The following SRBD1 variants were observed in gnomAD, a reference collection of about 807,000 sequenced individuals.
SRBD1 encodes S1 RNA-binding domain-containing protein 1.
In SRBD1, 88 loss-of-function variants were observed where a neutral mutation model predicts 115.3. That is an observed-to-expected ratio of 0.76 (90% CI 0.64 to 0.91). The LOEUF is 0.91. Ranked by LOEUF, SRBD1 falls within the 40% of genes least tolerant of loss-of-function variation. The probability of loss-of-function intolerance (pLI) is 0.00; values close to 1 mark genes in which losing one functional copy is unlikely to be tolerated. For missense variants in SRBD1, 1,385 were observed against 1,177.4 expected, an observed-to-expected ratio of 1.18 and a Z score of -2.58; for synonymous variants, 509 against 407.7, an observed-to-expected ratio of 1.25 and a Z score of -2.99.
chr2:45,531,667 A>C (rs1259562532), intron 14 of SRBD1, among the ~76,000 whole-genome samples: 1 of 147,704 alleles, frequency 6.8e-6, no homozygotes, highest in Admixed American at 6.7e-5. Flanking sequence ...CAAAGAAGTA[A>C]CCAGGGTTTC....
At chr2:45,488,413 A>C in intron 14 of SRBD1, 82 bp from the exon 15 acceptor site, 1 of 1,177,434 alleles carries the variant, frequency 8.5e-7, no homozygotes. Context: ...ACCAGGCATT[A>C]CCAGAAAAAA....
At chr2:45,397,795 C>G (rs973527352) in intron 19 of SRBD1, among the ~76,000 whole-genome samples, 2 of 152,080 alleles carry the variant, frequency 1.3e-5, no homozygotes, top group Non-Finnish European at 2.9e-5. Context: ...GGTGAGGTCT[C>G]AATATGTTGC....
At chr2:45,398,983 ACTGT>A (rs1051824480) in intron 19 of SRBD1, among the ~76,000 whole-genome samples, 1 of 152,186 alleles carries the variant, frequency 6.6e-6, no homozygotes, top group African/African-American at 2.4e-5. Flanking sequence ...TGTTGTAGGA[ACTGT>A]CTTAGAAATA....
intron 9 of SRBD1, among the ~76,000 whole-genome samples, chr2:45,566,811 AGTCT>A (rs1361937261): frequency 6.6e-6 from 1 of 152,126 alleles, no homozygotes; most frequent in African/African-American, 2.4e-5. Context: ...AATATCTGCT[AGTCT>A]GTAACTATAT....
At chr2:45,599,891 G>A in intron 3 of SRBD1, 56 bp from the exon 4 acceptor site, 1 of 1,512,244 alleles carries the variant, frequency 6.6e-7, no homozygotes, top group Non-Finnish European at 8.8e-7. Flanking sequence ...CAATTTCCTG[G>A]GACTATTACT....
chr2:45,576,309 C>T (rs971610838), intron 7 of SRBD1, among the ~76,000 whole-genome samples: 5 of 151,946 alleles, frequency 3.3e-5, no homozygotes, highest in African/African-American at 9.7e-5. Flanking sequence ...ATATAACACA[C>T]AAAATGTGTG....
chr2:45,573,410 G>T, intron 8 of SRBD1, 68 bp from the exon 9 acceptor site: 2 of 1,507,290 alleles, frequency 1.3e-6, no homozygotes. Context: ...AGAATATATA[G>T]AAATAAGGAT....
At chr2:45,515,067 T>C (rs1387626787) in intron 14 of SRBD1, among the ~76,000 whole-genome samples, 1 of 152,120 alleles carries the variant, frequency 6.6e-6, no homozygotes, top group African/African-American at 2.4e-5. Flanking sequence ...ACTTGGAAAT[T>C]AATACTGTTT....
chr2:45,581,937 G>C (rs2104185144), intron 5 of SRBD1, 127 bp from the exon 6 acceptor site: 1 of 705,544 alleles, frequency 1.4e-6, no homozygotes, highest in East Asian at 2.6e-5. Flanking sequence ...AACTGTTTGA[G>C]AATAAGTTAA....
At chr2:45,404,630 A>G (rs1420395072) in intron 19 of SRBD1, among the ~76,000 whole-genome samples, 1 of 152,182 alleles carries the variant, frequency 6.6e-6, no homozygotes, top group Admixed American at 6.5e-5. Flanking sequence ...TCTGGATCTC[A>G]GTCATCATCT....
In SRBD1 at chr2:45,568,934, A is replaced by G. The variant is rs540421075; in HGVS notation, c.1305+4273T>C. Among the ~76,000 whole-genome samples the G allele has an allele frequency of 2.6e-5, 4 of 152,380 alleles. No homozygotes were observed. In the South Asian group the frequency reaches 8.3e-4, roughly 32 times the overall value. ...CACTGTACTTTCTTTCAAAATATTGAAAGTATGTACTTCACCTGATGTGGT... is the reference window on the plus strand; with the variant it reads ...CACTGTACTTTCTTTCAAAATATTGGAAGTATGTACTTCACCTGATGTGGT... On this transcript the variant is annotated intron_variant, in intron 9 of 20. Transcript: ENST00000263736.
intron 16 of SRBD1, among the ~76,000 whole-genome samples, chr2:45,467,628 G>C (rs59784391): frequency 6.6e-6 from 1 of 152,222 alleles, no homozygotes; most frequent in African/African-American, 2.4e-5. Flanking sequence ...TATGAGATAA[G>C]ATATTTTTTA....
chr2:45,579,735 G>A, intron 7 of SRBD1, 140 bp downstream of exon 7: 1 of 1,036,686 alleles, frequency 9.6e-7, no homozygotes, highest in Non-Finnish European at 1.3e-6. Context: ...GGTATGTCAG[G>A]ATTTATTTCA....
At chr2:45,468,472 T>C (rs1174914576) in intron 16 of SRBD1, among the ~76,000 whole-genome samples, 1 of 151,842 alleles carries the variant, frequency 6.6e-6, no homozygotes, top group African/African-American at 2.4e-5. Flanking sequence ...AATGCAGCCT[T>C]TATCTTCCGG....
At position 45,418,489 on chromosome 2, in the gene SRBD1, C is replaced by T; in HGVS notation, c.2209G>A (p.Glu737Lys). 1 of 1,613,606 alleles carries T rather than the reference C, an allele frequency of 6.2e-7. No homozygotes were observed. Among genetic ancestry groups the T allele is most frequent in the Non-Finnish European group, 8.5e-7 (1 of 1,179,908 alleles). ...CGGTTGATAAAGGGTCCATTTTTCT[C>T]TCGCCATTCAATAATATTTTTGGCC... ...NRAKNIIEWR[E>K]KNGPFINREQ... Residue 737 changes from glutamate to lysine, a missense_variant, in exon 18 of 21, where the codon GAG becomes AAG. By Grantham distance (56) the Glu-to-Lys change is moderately conservative (BLOSUM62 1). Transcript: ENST00000263736.
At chr2:45,578,272 C>T (rs1446021313) in intron 7 of SRBD1, among the ~76,000 whole-genome samples, 2 of 152,214 alleles carry the variant, frequency 1.3e-5, no homozygotes, top group African/African-American at 4.8e-5. Context: ...CAGTTTCCCA[C>T]TGTGGTTAAC....
intron 2 of SRBD1, among the ~76,000 whole-genome samples, chr2:45,604,394 A>AGGGGAGGGGGGAGGGGGGGGGGG (rs1674198874): frequency 7.1e-6 from 1 of 141,072 alleles, no homozygotes; most frequent in Non-Finnish European, 1.5e-5. Flanking sequence ...AGGGGGGTGG[A>AGGGGAGGGGGGAGGGGGGGGGGG]GGAAGGGGAG....
intron 19 of SRBD1, among the ~76,000 whole-genome samples, chr2:45,395,607 T>C (rs1323611951): frequency 6.6e-6 from 1 of 152,224 alleles, no homozygotes; most frequent in Non-Finnish European, 1.5e-5. Flanking sequence ...TTGATCAACC[T>C]ATTTTTAAAT....
chr2:45,609,864 G>C (rs1558511936), intron 1 of SRBD1, among the ~76,000 whole-genome samples: 1 of 152,120 alleles, frequency 6.6e-6, no homozygotes, highest in African/African-American at 2.4e-5. Context: ...CTGCTGTCAA[G>C]AGAGTAAATA....
Sources: gnomAD v4.1 joint callset for allele counts (sites outside exome capture counted in the v4.1 genomes callset) on GRCh38, gnomAD v4.1.1 for gene constraint, MANE v1.5 for transcripts, NCBI Gene and HGNC (gene_info 2026-07-23, HGNC 2026-07-21) for gene names.